SPTBN4: variants seen among roughly 807,000 people sequenced by gnomAD.
SPTBN4 encodes spectrin beta, non-erythrocytic 4.
In SPTBN4, 96 loss-of-function variants were observed where a neutral mutation model predicts 277.8. The ratio of observed to expected loss-of-function variants is 0.35; its 90% CI spans 0.29 to 0.41. The LOEUF (loss-of-function observed/expected upper bound fraction) is 0.41. Ranked by LOEUF, SPTBN4 falls within the 10% of genes least tolerant of loss-of-function variation. SPTBN4 has a pLI of 1.00. For synonymous variants in SPTBN4, 1,481 were observed against 1,580.3 expected (o/e 0.94, Z 1.49); for missense variants, 3,006 against 3,595.7 (o/e 0.84, Z 4.19).
chr19:40,494,935 G>A lies in SPTBN4; in HGVS notation c.626G>A (p.Trp209Ter). The A allele has an allele frequency of 6.2e-7, 1 of 1,614,102 alleles. No homozygotes were observed. The highest frequency in any genetic ancestry group is 1.1e-5 in the South Asian group (1 of 91,072). The change falls in exon 6 of 36, where the codon TGG (tryptophan) becomes TAG (stop). Residue 209 changes from tryptophan (W) to a stop codon, truncating the protein, a stop_gained. Transcript: ENST00000598249. LOFTEE classifies it high-confidence loss of function. The stretch of plus-strand genomic sequence containing the variant: ...AACATCCAGAATTTCACCACCAGCT[G>A]GCGGGATGGCTTGGCCTTCAATGCC... Reference protein sequence around the residue: ...EVNIQNFTTSWRDGLAFNALI... With the variant: ...EVNIQNFTTS
intron 18 of SPTBN4, among the ~76,000 whole-genome samples, chr19:40,530,060 C>T (rs886458821): frequency 6.6e-6 from 1 of 152,116 alleles, no homozygotes; most frequent in Non-Finnish European, 1.5e-5. Context: ...TGGAGGAACC[C>T]CCTGTTCCCC....
intron 29 of SPTBN4, among the ~76,000 whole-genome samples, 180 bp downstream of exon 29, chr19:40,565,925 T>TG (rs1447007138): frequency 6.6e-6 from 1 of 151,674 alleles, no homozygotes; most frequent in Non-Finnish European, 1.5e-5. Flanking sequence ...TACCCACCCT[T>TG]GAAAAAAAAG....
chr19:40,487,076 G>GC (rs2080080578), intron 2 of SPTBN4, among the ~76,000 whole-genome samples: 1 of 151,298 alleles, frequency 6.6e-6, no homozygotes, highest in African/African-American at 2.4e-5. Context: ...TTGCCTTGTT[G>GC]CCCAGGCTGC....
chr19:40,531,460 GTTTGTTTTTTTTTT>G (rs2080670305), intron 18 of SPTBN4, among the ~76,000 whole-genome samples: 1 of 81,452 alleles, frequency 1.2e-5, no homozygotes, highest in East Asian at 4.8e-4. Context: ...GGAGTCCAGT[GTTTGTTTTTTTTTT>G]TTTTTTTTTT....
At chr19:40,484,198 C>T (rs1261146238) in intron 2 of SPTBN4, among the ~76,000 whole-genome samples, 1 of 151,974 alleles carries the variant, frequency 6.6e-6, no homozygotes, top group Non-Finnish European at 1.5e-5. Flanking sequence ...ACCCATTAAC[C>T]ATCACCCCTT....
rs143882448 is a variant in SPTBN4, at chr19:40,475,565, A to G, written c.169+2775A>G. On this transcript the variant is annotated intron_variant, in intron 2 of 35. Transcript: ENST00000598249. ...AACCTCCACCTCCCAGGTTCATGAG[A>G]TTCTCCCGCCTCGGGAGTCCCGAGT... Among the ~76,000 whole-genome samples the G allele has an allele frequency of 4.9e-3, 739 of 151,998 alleles. 5 individuals carry two copies. The highest frequency in any genetic ancestry group is 0.017 in the African/African-American group (692 of 41,516).
chr19:40,506,781 C>A (rs974910633), intron 13 of SPTBN4, among the ~76,000 whole-genome samples: 1 of 151,964 alleles, frequency 6.6e-6, no homozygotes, highest in Non-Finnish European at 1.5e-5. Flanking sequence ...AATTCAAGAC[C>A]AGCCTGGCCA....
chr19:40,575,334 A>T, intron 35 of SPTBN4, 77 bp from the exon 36 acceptor site: 1 of 1,478,608 alleles, frequency 6.8e-7, no homozygotes, highest in South Asian at 1.3e-5. Flanking sequence ...CAGAGAGGGT[A>T]GTCTGATCTG....
chr19:40,493,166 G>T, intron 5 of SPTBN4, 112 bp downstream of exon 5: 2 of 894,742 alleles, frequency 2.2e-6, no homozygotes, highest in South Asian at 3.1e-5. Context: ...GGGTCAAAAA[G>T]TTACATCTGA....
Position 40,519,577 on chromosome 19 carries a change from T to G in SPTBN4, c.3080T>G (p.Leu1027Arg), listed in dbSNP as rs2080499781. 6.6e-7 allele frequency: 1 copy of G among 1,508,042 alleles called. No homozygotes were observed. The allele number at this position is 1,508,042 out of a possible 1,614,324, so 93.4% of individuals were successfully genotyped here. Residue 1027 changes from leucine to arginine, a missense_variant, in exon 16 of 36, where the codon CTA becomes CGA. Coordinates refer to ENST00000598249, the MANE Select transcript of SPTBN4 (RefSeq NM_020971.3). This position sits in a 1 kb window ranked among gnomAD's most constrained non-coding sequence, Gnocchi z 5.7. ...GCCCTGCAGTGGCGTCTTAGCGGCCTAGAGGCCGCTCTGCAGGCGCTGGAG... is the reference window on the plus strand; with the variant it reads ...GCCCTGCAGTGGCGTCTTAGCGGCCGAGAGGCCGCTCTGCAGGCGCTGGAG... ...GGALQWRLSGLEAALQALEPR... is the reference protein window; with the variant it reads ...GGALQWRLSGREAALQALEPR...
chr19:40,569,647 C>T lies in SPTBN4; in HGVS notation c.6957-10C>T, dbSNP rs758202522. The T allele has an allele frequency of 5.0e-6, 8 of 1,612,224 alleles. No individual in the cohort carries two copies. The East Asian group carries it at 1.6e-4, about 32-fold the overall frequency. On this transcript the variant is annotated splice_polypyrimidine_tract_variant and intron_variant, in intron 31 of 35. Transcript: ENST00000598249. ...GGTTTCACTGGGTCTTTCTGTCCCC[C>T]ATCCCCCAGGAAGGCCACCCTGGCT...
At position 40,557,083 on chromosome 19, in the gene SPTBN4, C is replaced by A; in HGVS notation, c.5350C>A (p.Leu1784Met). 6.4e-7 allele frequency: 1 copy of A among 1,573,788 alleles called. No individual in the cohort carries two copies. The highest frequency in any genetic ancestry group is 8.7e-7 in the Non-Finnish European group (1 of 1,153,916). ...GACAGGTATGGCAGGGCGGGAACGG[C>A]TGGCAGCTGTGAACCAGATGGTGGA... is the stretch of plus-strand genomic sequence containing the variant. ...SETGMAGRERLAAVNQMVDEL... is the reference protein window; with the variant it reads ...SETGMAGRERMAAVNQMVDEL... The change falls in exon 26 of 36, where the codon CTG (leucine) becomes ATG (methionine). Residue 1784 changes from leucine (L) to methionine (M), a missense_variant. Around this residue, in one of 5 missense-constraint regions of SPTBN4, gnomAD observed 425 missense variants for 594.7 expected, o/e 0.71. Transcript: ENST00000598249.
chr19:40,504,755 C>G (rs1032464535), intron 12 of SPTBN4, among the ~76,000 whole-genome samples: 2 of 150,856 alleles, frequency 1.3e-5, no homozygotes, highest in Non-Finnish European at 1.5e-5. Flanking sequence ...GGCTGAGGCT[C>G]AAGAATTGCT....
At chr19:40,491,730 A>AAAAAAAAAAAAAAAAAAAAAAAAAAC (rs2080138921) in intron 4 of SPTBN4, among the ~76,000 whole-genome samples, 1 of 149,562 alleles carries the variant, frequency 6.7e-6, no homozygotes, top group African/African-American at 2.5e-5. Flanking sequence ...AAAAAAAAAA[A>AAAAAAAAAAAAAAAAAAAAAAAAAAC]AAAAAAAAGT....
rs754276676 is a variant in SPTBN4, at chr19:40,560,905, G to A, written c.5915+502G>A. Among the ~76,000 whole-genome samples the A allele has an allele frequency of 9.4e-5, 14 of 149,620 alleles. No homozygotes were observed. Among genetic ancestry groups the A allele is most frequent in the African/African-American group, 1.2e-4 (5 of 40,800 alleles). On this transcript the variant is annotated intron_variant, in intron 27 of 35. Transcript: ENST00000598249. This position sits in a 1 kb window ranked among gnomAD's most constrained non-coding sequence, Gnocchi z 5.2. ...TCACATGCTGGACCCTCTGCATCCC[G>A]CTGCAGATGGGAAAAGATAGCAGGA...
At position 40,504,147 on chromosome 19, in the gene SPTBN4, G is replaced by GCCCCCC; in HGVS notation, c.1665+16_1665+17insCCCCCC. The GCCCCCC allele has an allele frequency of 2.9e-6, 3 of 1,047,666 alleles. No individual in the cohort carries two copies. The highest frequency in any genetic ancestry group is 4.2e-6 in the Non-Finnish European group (3 of 706,048). 64.9% of individuals were successfully genotyped at this position (1,047,666 alleles called of 1,614,324 possible). On this transcript the variant is annotated intron_variant, in intron 12 of 35. Coordinates refer to ENST00000598249, the MANE Select transcript of SPTBN4 (RefSeq NM_020971.3). ...AGGAGATGCAGGTGCCGGCGGGGGG[G>GCCCCCC]CGGGGATGCGGGTGGAGTGCCAGGA...
rs756056282 is a variant in SPTBN4 at position 40,512,706 on chromosome 19, G to C, written c.1917G>C (p.Glu639Asp). The change falls in exon 14 of 36, where the codon GAG (glutamate) becomes GAC (aspartate). Residue 639 changes from glutamate to aspartate, a missense_variant. Glu to Asp is a conservative substitution (Grantham distance 45). Transcript: ENST00000598249. ...LQEQAARRRAELEASRSLWAL... is the reference protein window; with the variant it reads ...LQEQAARRRADLEASRSLWAL... ...AGCAGGCAGCGCGGCGACGCGCGGA[G>C]CTGGAGGCTTCGCGGAGCCTGTGGG... 5.9e-6 allele frequency: 9 copies of C among 1,526,002 alleles called. No individual in the cohort carries two copies. Among genetic ancestry groups the C allele is most frequent in the South Asian group, 4.8e-5 (4 of 83,796 alleles). 94.5% of individuals were successfully genotyped at this position (1,526,002 alleles called of 1,614,324 possible). A position where few individuals can be genotyped will look rare whatever the true frequency, so the allele number is the denominator to read the frequency against.
At position 40,504,108 on chromosome 19, in the gene SPTBN4, G is replaced by A. The variant is rs1224698890; in HGVS notation, c.1641G>A (p.Met547Ile). Residue 547 changes from methionine (M) to isoleucine (I), a missense_variant, in exon 12 of 36, where the codon ATG (methionine) becomes ATA (isoleucine). This residue lies in a region of SPTBN4 where 1,759 missense variants were observed against 2,061.5 expected (regional missense o/e 0.85). Coordinates refer to ENST00000598249, the MANE Select transcript of SPTBN4 (RefSeq NM_020971.3). ...LQKVFQEMVY[M>I]VDWMEEMQAQ... ...AGGTCTTCCAGGAGATGGTGTACAT[G>A]GTGGACTGGATGGAGGAGATGCAGG... 6.2e-7 allele frequency: 1 copy of A among 1,605,458 alleles called. No individual in the cohort carries two copies. Among genetic ancestry groups the A allele is most frequent in the Admixed American group, 1.7e-5 (1 of 59,710 alleles).
chr19:40,490,774 G>A lies in SPTBN4; in HGVS notation c.495+526G>A, dbSNP rs1022501845. ...AGAGAAGTTTAAAAAGCTATGCAGG[G>A]CCAGGTGAAGTGGCCTGTAAACCCA... On this transcript the variant is annotated intron_variant, in intron 4 of 35. Transcript: ENST00000598249. This position sits in a 1 kb window ranked among gnomAD's most constrained non-coding sequence, Gnocchi z 4.3. Among the ~76,000 whole-genome samples the A allele has an allele frequency of 4.6e-5, 7 of 152,212 alleles. No homozygotes were observed. Among genetic ancestry groups the A allele is most frequent in the African/African-American group, 1.7e-4 (7 of 41,446 alleles).
Sources: allele counts gnomAD v4.1 joint callset (sites outside exome capture counted in the v4.1 genomes callset), GRCh38; gene constraint gnomAD v4.1.1; regional missense constraint gnomAD v4.1.1; non-coding constraint Gnocchi (gnomAD v3.1); transcripts MANE v1.5; gene names NCBI Gene and HGNC (gene_info 2026-07-23, HGNC 2026-07-21).